Variants in ARHGEF12 observed in about 807,000 individuals in gnomAD.
The protein encoded by ARHGEF12 is Rho guanine nucleotide exchange factor 12, also known as KMT2A/ARHGEF12 fusion protein.
A neutral mutation model predicts 211.2 loss-of-function variants in ARHGEF12; 66 were observed. The ratio of observed to expected loss-of-function variants is 0.31; its 90% CI spans 0.26 to 0.38. The LOEUF (loss-of-function observed/expected upper bound fraction) is 0.38. Ranked by LOEUF, ARHGEF12 falls within the 10% of genes least tolerant of loss-of-function variation. The probability of loss-of-function intolerance (pLI) is 1.00; values close to 1 mark genes in which losing one functional copy is unlikely to be tolerated. For missense variants in ARHGEF12, 1,429 were observed against 1,869.5 expected (o/e 0.76, Z 4.34); for synonymous variants, 592 against 638.4 (o/e 0.93, Z 1.09).
chr11:120,477,172 T>C, intron 34 of ARHGEF12, 47 bp from the exon 35 acceptor site: 1 of 1,512,790 alleles, frequency 6.6e-7, no homozygotes, highest in South Asian at 1.2e-5. Flanking sequence ...TAAAGGATAT[T>C]TCTTTTTTCT....
At chr11:120,472,893 G>A (rs1946911482) in intron 30 of ARHGEF12, among the ~76,000 whole-genome samples, 157 bp from the exon 31 acceptor site, 1 of 151,890 alleles carries the variant, frequency 6.6e-6, no homozygotes, top group South Asian at 2.1e-4. Context: ...CTAACCTCGT[G>A]ATCCACCTGC....
intron 34 of ARHGEF12, 146 bp from the exon 35 acceptor site, chr11:120,477,073 G>A: frequency 1.5e-6 from 1 of 680,816 alleles, no homozygotes; most frequent in Non-Finnish European, 2.5e-6. Context: ...TTCTCTGGCA[G>A]AGTGGGTTTT....
At position 120,480,312 on chromosome 11, in the gene ARHGEF12, T is replaced by A; in HGVS notation, c.4119T>A (p.Gly1373=). 1 of 1,613,290 alleles carries A rather than the reference T, an allele frequency of 6.2e-7. No individual in the cohort carries two copies. Among genetic ancestry groups the A allele is most frequent in the South Asian group, 1.1e-5 (1 of 90,962 alleles). The change falls in exon 38 of 41, where the codon GGT becomes GGA. Residue 1373 remains glycine, a synonymous_variant. Coordinates refer to ENST00000397843, the MANE Select transcript of ARHGEF12 (RefSeq NM_015313.3). ...TGCCTACCATGGAGCCAGAAGGGGG[T>A]CTTGATGACAGTGGAGAGCACTTTT... ...PEMPTMEPEG[G]LDDSGEHFFD...
At chr11:120,381,758 C>T (rs963566746) in intron 1 of ARHGEF12, among the ~76,000 whole-genome samples, 10 of 152,162 alleles carry the variant, frequency 6.6e-5, no homozygotes, top group African/African-American at 1.9e-4. Flanking sequence ...TAATGTACAG[C>T]GCAGATCCTG....
intron 1 of ARHGEF12, among the ~76,000 whole-genome samples, chr11:120,375,886 T>C (rs1374853841): frequency 2.0e-5 from 3 of 152,188 alleles, no homozygotes; most frequent in Admixed American, 6.5e-5. Context: ...ACAGTTCAAA[T>C]GAGTACTGGT....
At chr11:120,361,268 G>A (rs1303272174) in intron 1 of ARHGEF12, among the ~76,000 whole-genome samples, 2 of 147,128 alleles carry the variant, frequency 1.4e-5, no homozygotes, top group Non-Finnish European at 2.9e-5. Context: ...CAGATTGCTG[G>A]GGACGCATTA....
chr11:120,458,267 A>G, intron 25 of ARHGEF12, 33 bp downstream of exon 25: 1 of 1,610,740 alleles, frequency 6.2e-7, no homozygotes, highest in Non-Finnish European at 8.5e-7. Flanking sequence ...TGTTGTTTAC[A>G]AATACTGAGT....
intron 1 of ARHGEF12, among the ~76,000 whole-genome samples, chr11:120,390,609 T>C (rs1944181719): frequency 1.3e-5 from 2 of 152,234 alleles, no homozygotes. Context: ...TAAAACTATG[T>C]AACGGGATAT....
chr11:120,470,515 C>T (rs1946837530), intron 30 of ARHGEF12, among the ~76,000 whole-genome samples: 1 of 152,152 alleles, frequency 6.6e-6, no homozygotes, highest in African/African-American at 2.4e-5. Flanking sequence ...GCACAGTAAG[C>T]AGTTGGCTGT....
At chr11:120,455,024 T>A (rs1946323026) in intron 22 of ARHGEF12, among the ~76,000 whole-genome samples, 1 of 151,284 alleles carries the variant, frequency 6.6e-6, no homozygotes, top group African/African-American at 2.4e-5. Flanking sequence ...GCGATCAGAG[T>A]TTAAAGGAAA....
At chr11:120,449,264 A>G in intron 21 of ARHGEF12, 50 bp downstream of exon 21, 2 of 1,404,316 alleles carry the variant, frequency 1.4e-6, no homozygotes, top group Non-Finnish European at 2.0e-6. Flanking sequence ...GGCCCTCTTC[A>G]CATCAGAGGC....
chr11:120,473,544 A>G (rs1294567607), intron 31 of ARHGEF12, among the ~76,000 whole-genome samples: 4 of 152,114 alleles, frequency 2.6e-5, no homozygotes, highest in Non-Finnish European at 5.9e-5. Context: ...CTAGGACTAT[A>G]GGTATATGCC....
In ARHGEF12 at chr11:120,421,166, G is replaced by A. The variant is rs545247379; in HGVS notation, c.298+315G>A. Among the ~76,000 whole-genome samples, 4 of 152,296 alleles carry A rather than the reference G, an allele frequency of 2.6e-5. No individual in the cohort carries two copies. The South Asian group carries it at 8.3e-4, about 32-fold the overall frequency. On this transcript the variant is annotated intron_variant, in intron 5 of 40. Transcript: ENST00000397843. ...ATGGCACCACTGATATTTTGGCAAA[G>A]ACAGATTAAAGAGATAGCTATGGCT... is the stretch of plus-strand genomic sequence containing the variant.
chr11:120,457,145 C>T lies in ARHGEF12; in HGVS notation c.2084C>T (p.Ala695Val), dbSNP rs1946386875. ...TCAAAGCAAGTTGGAGAAACATCAG[C>T]ACCTGGAGACACCTTAGATGGCACA... ...TGSKQVGETS[A>V]PGDTLDGTPR... The change falls in exon 23 of 41, where the codon GCA becomes GTA. Residue 695 changes from alanine to valine, a missense_variant. Ala to Val is a moderately conservative substitution (Grantham distance 64). Coordinates refer to ENST00000397843, the MANE Select transcript of ARHGEF12 (RefSeq NM_015313.3). The T allele has an allele frequency of 4.3e-6, 7 of 1,613,956 alleles. No homozygotes were observed. The Middle Eastern group carries it at 8.3e-4, about 190-fold the overall frequency.
chr11:120,363,875 A>T (rs1441921706), intron 1 of ARHGEF12, among the ~76,000 whole-genome samples: 1 of 152,172 alleles, frequency 6.6e-6, no homozygotes, highest in Non-Finnish European at 1.5e-5. Flanking sequence ...AATATCATGC[A>T]ACTTAGGACA....
chr11:120,364,816 ATTT>A (rs59126463), intron 1 of ARHGEF12, among the ~76,000 whole-genome samples: 4 of 132,428 alleles, frequency 3.0e-5, no homozygotes, highest in Non-Finnish European at 3.2e-5. Flanking sequence ...ACATGTACCA[ATTT>A]TTTTTTTTTT....
intron 1 of ARHGEF12, among the ~76,000 whole-genome samples, chr11:120,354,947 C>T (rs1182935727): frequency 6.6e-6 from 1 of 152,138 alleles, no homozygotes; most frequent in Non-Finnish European, 1.5e-5. Flanking sequence ...TTGCAGCCTC[C>T]CCGTGGGGTA....
chr11:120,449,720 GA>G (rs141631919), intron 21 of ARHGEF12: 80 of 117,906 alleles, frequency 6.8e-4, no homozygotes, highest in African/African-American at 1.2e-3. Context: ...AAAAAGAAAA[GA>G]AAAAAAAAAA....
chr11:120,384,699 CACAA>C (rs1021378629), intron 1 of ARHGEF12, among the ~76,000 whole-genome samples: 5 of 152,216 alleles, frequency 3.3e-5, no homozygotes, highest in South Asian at 2.1e-4. Flanking sequence ...AATAATCAAA[CACAA>C]ACAGACAGAG....
Sources: allele counts gnomAD v4.1 joint callset (sites outside exome capture counted in the v4.1 genomes callset), GRCh38; gene constraint gnomAD v4.1.1; transcripts MANE v1.5; gene names NCBI Gene and HGNC (gene_info 2026-07-23, HGNC 2026-07-21).